The following RGPD2 variants were observed in gnomAD, a reference collection of about 807,000 sequenced individuals.
RGPD2 encodes the protein RANBP2 like and GRIP domain containing 2, also known as RANBP2-like and GRIP domain-containing protein 2.
Under a neutral mutation model 36.0 loss-of-function variants are expected in RGPD2, and 2 were observed. The ratio of observed to expected loss-of-function variants is 0.06; its 90% CI spans 0.02 to 0.17. RGPD2 has a LOEUF of 0.17. Ranked by LOEUF, RGPD2 falls within the 10% of genes least tolerant of loss-of-function variation. The pLI, the probability that RGPD2 is intolerant of heterozygous loss-of-function variation, is 1.00. For synonymous variants in RGPD2, 19 were observed against 163.8 expected (o/e 0.12, Z 6.75); for missense variants, 40 against 464.3 (o/e 0.09, Z 8.40).
the RGPD2 span, among the ~76,000 whole-genome samples, chr2:87,921,099 A>G: frequency 6.7e-6 from 1 of 150,312 alleles, no homozygotes; most frequent in Non-Finnish European, 1.5e-5. Flanking sequence ...GTTTGGAAGT[A>G]AGGTAGAGAT....
the RGPD2 span, among the ~76,000 whole-genome samples, chr2:87,897,061 C>T: frequency 6.6e-6 from 1 of 152,286 alleles, no homozygotes; most frequent in African/African-American, 2.4e-5. Flanking sequence ...GTTAAAGTAG[C>T]TTGTTACCAA....
chr2:87,839,885 T>A, the RGPD2 span, among the ~76,000 whole-genome samples: 1 of 151,024 alleles, frequency 6.6e-6, no homozygotes, highest in African/African-American at 2.4e-5. Flanking sequence ...CTCCCAAACC[T>A]AAAATAAATG....
chr2:87,887,044 A>AC, the RGPD2 span, among the ~76,000 whole-genome samples: 7 of 151,854 alleles, frequency 4.6e-5, no homozygotes, highest in African/African-American at 1.7e-4. Context: ...TTAAAATGAA[A>AC]AAAAAAAATT....
intron 22 of RGPD2, among the ~76,000 whole-genome samples, chr2:87,768,980 TTTTG>T (rs1685026142): frequency 9.5e-5 from 1 of 10,582 alleles, no homozygotes; most frequent in African/African-American, 2.7e-4. Flanking sequence ...TTTTTTTTTT[TTTTG>T]AGATAAGAGT....
At chr2:87,924,454 C>T in the RGPD2 span, among the ~76,000 whole-genome samples, 2 of 151,582 alleles carry the variant, frequency 1.3e-5, no homozygotes, top group Non-Finnish European at 2.9e-5. Flanking sequence ...TGTTTTACAG[C>T]CCTAGAGACT....
At chr2:87,847,482 G>T in the RGPD2 span, among the ~76,000 whole-genome samples, 1 of 148,866 alleles carries the variant, frequency 6.7e-6, no homozygotes, top group African/African-American at 2.5e-5. Context: ...CTAAGTATTT[G>T]ACATAATTGT....
chr2:87,829,694 GAAAA>G (rs1009038762), upstream of RGPD2, among the ~76,000 whole-genome samples: 1 of 151,258 alleles, frequency 6.6e-6, no homozygotes, highest in Non-Finnish European at 1.5e-5. Context: ...AACAGCAAGA[GAAAA>G]AAAACCCGCT....
At chr2:87,951,316 T>C in the RGPD2 span, among the ~76,000 whole-genome samples, 12 of 151,502 alleles carry the variant, frequency 7.9e-5, no homozygotes, top group Non-Finnish European at 1.3e-4. Flanking sequence ...AGAACATGCG[T>C]ACCAACTCCA....
Position 87,825,527 on chromosome 2 carries a change from G to GCCGCC in RGPD2, c.72+130_72+131insGGCGG, listed in dbSNP as rs1686734115. 6 of 271,946 alleles carry GCCGCC rather than the reference G, an allele frequency of 2.2e-5. No individual in the cohort carries two copies. The African/African-American group carries it at 6.3e-4, about 29-fold the overall frequency. 16.8% of individuals were successfully genotyped at this position (271,946 alleles called of 1,614,324 possible). The stretch of plus-strand genomic sequence containing the variant: ...CCGAGGCCGAGGCCGCCGCCCGGCC[G>GCCGCC]AGGCCGAGGCCGAGGCCGCCGCCCG... On this transcript the variant is annotated intron_variant, in intron 1 of 22. Coordinates refer to ENST00000398146, the MANE Select transcript of RGPD2 (RefSeq NM_001078170.3).
chr2:87,883,939 C>T, the RGPD2 span, among the ~76,000 whole-genome samples: 1 of 150,694 alleles, frequency 6.6e-6, no homozygotes, highest in Non-Finnish European at 1.5e-5. Context: ...CACGTAAGAA[C>T]AAATGGACCT....
chr2:87,978,264 T>G, the RGPD2 span, among the ~76,000 whole-genome samples: 1 of 151,772 alleles, frequency 6.6e-6, no homozygotes, highest in Non-Finnish European at 1.5e-5. Flanking sequence ...TTCACCAGCT[T>G]ACATATTTTT....
At chr2:87,809,519 A>C (rs540106874) in intron 6 of RGPD2, among the ~76,000 whole-genome samples, 2 of 136,586 alleles carry the variant, frequency 1.5e-5, no homozygotes, top group South Asian at 2.7e-4. Context: ...ATACAAAAAA[A>C]TTAGCCGAGC....
the RGPD2 span, among the ~76,000 whole-genome samples, chr2:87,884,285 A>T: frequency 5.6e-3 from 852 of 152,066 alleles, no homozygotes; most frequent in Non-Finnish European, 9.2e-3. Flanking sequence ...GGCTTATGGG[A>T]TGCAGCAAAA....
chr2:87,857,456 C>T, the RGPD2 span, among the ~76,000 whole-genome samples: 1 of 151,530 alleles, frequency 6.6e-6, no homozygotes, highest in Non-Finnish European at 1.5e-5. Flanking sequence ...CATTCTCCTG[C>T]CTCAGCCTCT....
chr2:87,966,669 T>G, the RGPD2 span, among the ~76,000 whole-genome samples: 5 of 152,168 alleles, frequency 3.3e-5, no homozygotes, highest in African/African-American at 1.2e-4. Context: ...GGCTCACGCC[T>G]GTAATCGCAG....
At chr2:87,781,608 C>T (rs541043109) in intron 20 of RGPD2, among the ~76,000 whole-genome samples, 13 of 150,978 alleles carry the variant, frequency 8.6e-5, no homozygotes, top group African/African-American at 1.7e-4. Flanking sequence ...ATTATAGGCA[C>T]GCACCACCAC....
At chr2:87,962,708 A>G in the RGPD2 span, among the ~76,000 whole-genome samples, 4 of 151,970 alleles carry the variant, frequency 2.6e-5, no homozygotes, top group Non-Finnish European at 5.9e-5. Context: ...AGGCCCAGCT[A>G]CTCCAAAGGC....
the RGPD2 span, among the ~76,000 whole-genome samples, chr2:87,940,323 C>T: frequency 6.6e-6 from 1 of 151,656 alleles, no homozygotes; most frequent in African/African-American, 2.4e-5. Context: ...TCTATAAAGA[C>T]AGGTTACCAA....
the RGPD2 span, among the ~76,000 whole-genome samples, chr2:87,880,899 T>C: frequency 9.0e-6 from 1 of 110,954 alleles, no homozygotes; most frequent in East Asian, 2.4e-4. Flanking sequence ...GTTATGTACT[T>C]CCAAGTTACG....
Sources: gnomAD v4.1 joint callset for allele counts (sites outside exome capture counted in the v4.1 genomes callset) on GRCh38, gnomAD v4.1.1 for gene constraint, MANE v1.5 for transcripts, NCBI Gene and HGNC (gene_info 2026-07-23, HGNC 2026-07-21) for gene names.